Variants in LIG1 observed in about 807,000 individuals in gnomAD.
LIG1 encodes ligase I, DNA, ATP-dependent.
Under a neutral mutation model 115.7 loss-of-function variants are expected in LIG1, and 70 were observed. That is an observed-to-expected ratio of 0.60 (90% CI 0.50 to 0.74). LIG1 has a LOEUF of 0.74. LIG1 is among the 30% of genes least tolerant of loss of function. The probability of loss-of-function intolerance (pLI) is 0.00; values close to 1 mark genes in which losing one functional copy is unlikely to be tolerated. For synonymous variants in LIG1, 487 were observed against 495.3 expected (o/e 0.98, Z 0.22); for missense variants, 1,115 against 1,225.6 (o/e 0.91, Z 1.35).
In LIG1 at chr19:48,117,654, G is replaced by C. The variant is rs1158052862; in HGVS notation, c.2567C>G (p.Pro856Arg). The C allele has an allele frequency of 6.2e-7, 1 of 1,612,734 alleles. No homozygotes were observed. The highest frequency in any genetic ancestry group is 1.3e-5 in the African/African-American group (1 of 74,930). Residue 856 changes from proline (P) to arginine (R), a missense_variant, in exon 26 of 28, where the codon CCT (proline) becomes CGT (arginine). Pro to Arg is a moderately radical substitution (Grantham distance 103, BLOSUM62 -2). Transcript: ENST00000263274. Reference sequence around the variant, plus strand: ...GCCACTCACCAGGCCCCGCGCAGCAGGGTAGATGGGAGAGAGGGAGAGGTC... The same window carrying C: ...GCCACTCACCAGGCCCCGCGCAGCACGGTAGATGGGAGAGAGGGAGAGGTC... ...CADLSLSPIY[P>R]AARGLVDSDK...
intron 9 of LIG1, among the ~76,000 whole-genome samples, chr19:48,149,449 T>G (rs932931342): frequency 4.6e-5 from 7 of 152,104 alleles, no homozygotes; most frequent in African/African-American, 1.7e-4. Context: ...CTCTGGGTGT[T>G]AGAAAGATCC....
intron 6 of LIG1, among the ~76,000 whole-genome samples, chr19:48,153,176 C>T (rs1368573933): frequency 7.9e-6 from 1 of 125,986 alleles, no homozygotes; most frequent in East Asian, 2.3e-4. Flanking sequence ...GCCTGAGCGA[C>T]ACAGTGAGAC....
chr19:48,115,816 A>G, intron 27 of LIG1, 57 bp downstream of exon 27: 1 of 1,580,954 alleles, frequency 6.3e-7, no homozygotes, highest in Non-Finnish European at 8.7e-7. Context: ...CCACCACGCT[A>G]AAAAGCTGGT....
chr19:48,134,119 G>GT (rs2034226946), intron 16 of LIG1, 53 bp from the exon 17 acceptor site: 5 of 1,492,106 alleles, frequency 3.4e-6, no homozygotes, highest in Non-Finnish European at 4.6e-6. Flanking sequence ...AACTCACACA[G>GT]TTTGGAAAGA....
In LIG1 at chr19:48,137,696, G is replaced by A; in HGVS notation, c.1088-8C>T. 1 of 1,601,628 alleles carries A rather than the reference G, an allele frequency of 6.2e-7. No individual in the cohort carries two copies. The highest frequency in any genetic ancestry group is 1.1e-5 in the South Asian group (1 of 91,060). ...CGGACTCCAGCTGCCGACCTTCAGGGGAGAGCGCGGGTGGGGGTGTCGAGG... is the reference window on the plus strand; with the variant it reads ...CGGACTCCAGCTGCCGACCTTCAGGAGAGAGCGCGGGTGGGGGTGTCGAGG... On this transcript the variant is annotated splice_polypyrimidine_tract_variant and splice_region_variant and intron_variant, in intron 12 of 27. Transcript: ENST00000263274. This position sits in a 1 kb window ranked among gnomAD's most constrained non-coding sequence, Gnocchi z 4.3.
At chr19:48,133,924 C>A in intron 17 of LIG1, 57 bp downstream of exon 17, 1 of 1,450,898 alleles carries the variant, frequency 6.9e-7, no homozygotes. Context: ...ACCCTCACGC[C>A]GACTCAGGAG....
rs566160743 is a variant in LIG1 at position 48,154,094 on chromosome 19, A to G, written c.371-127T>C. On this transcript the variant is annotated intron_variant, in intron 5 of 27. Transcript: ENST00000263274. ...CCTCTCCCCTTCTCTGCCTGCACAC[A>G]GTCACTGCCCCAGTGCAGGCCGCAC... The G allele has an allele frequency of 2.9e-5, 23 of 787,016 alleles. No homozygotes were observed. The African/African-American group carries it at 3.4e-4, about 12-fold the overall frequency. The allele number at this position is 787,016 out of a possible 1,614,324, so 48.8% of individuals were successfully genotyped here.
rs2034917917 is a variant in LIG1 at position 48,143,575 on chromosome 19, C to T, written c.882G>A (p.Arg294=). 6.3e-7 allele frequency: 1 copy of T among 1,597,748 alleles called. No individual in the cohort carries two copies. The highest frequency in any genetic ancestry group is 1.1e-5 in the South Asian group (1 of 90,848). Residue 294 remains arginine (R), a synonymous_variant, in exon 11 of 28, where the codon CGG becomes CGA. Transcript: ENST00000263274. ...GQKVPYLAVA[R]TFEKIEEVSA... is the part of the protein sequence containing the mutation. ...ACACCTCCTCGATCTTCTCAAACGTCCGGGCCACAGCCAGGTAAGGAACCC... is the reference window on the plus strand; with the variant it reads ...ACACCTCCTCGATCTTCTCAAACGTTCGGGCCACAGCCAGGTAAGGAACCC...
chr19:48,126,403 C>T (rs1426011297), intron 21 of LIG1, among the ~76,000 whole-genome samples: 1 of 152,000 alleles, frequency 6.6e-6, no homozygotes, highest in East Asian at 1.9e-4. Context: ...GTCAAGAGTT[C>T]GAGACCAGCC....
intron 11 of LIG1, among the ~76,000 whole-genome samples, chr19:48,142,594 G>GA (rs1488153306): frequency 6.6e-6 from 1 of 152,112 alleles, no homozygotes; most frequent in East Asian, 1.9e-4. Flanking sequence ...GACACATGTG[G>GA]AAACGGGTTT....
At chr19:48,163,216 C>A (rs2036286869) in intron 2 of LIG1, among the ~76,000 whole-genome samples, 2 of 119,984 alleles carry the variant, frequency 1.7e-5, no homozygotes, top group South Asian at 5.1e-4. Flanking sequence ...CCGCGCCCAG[C>A]CTAAAAAAAT....
intron 21 of LIG1, chr19:48,123,703 C>T (rs1345279482): frequency 3.8e-5 from 12 of 316,256 alleles, no homozygotes; most frequent in East Asian, 8.3e-5. Context: ...CTGCAGCCTC[C>T]GCCTCCTGAA....
chr19:48,147,515 A>G (rs2035191869), intron 9 of LIG1: 1 of 150,788 alleles, frequency 6.6e-6, no homozygotes, highest in Admixed American at 6.6e-5. Flanking sequence ...TACAAAAAGT[A>G]AACAAAAATT....
chr19:48,151,364 T>C (rs760610063), intron 6 of LIG1, 25 bp from the exon 7 acceptor site: 1 of 1,460,940 alleles, frequency 6.8e-7, no homozygotes. Flanking sequence ...AACGGTCAGA[T>C]GGCAAAAAAA....
At position 48,137,639 on chromosome 19, in the gene LIG1, C is replaced by G. The variant is rs748154065; in HGVS notation, c.1137G>C (p.Val379=). 40 of 1,610,372 alleles carry G rather than the reference C, an allele frequency of 2.5e-5. No individual in the cohort carries two copies. Among genetic ancestry groups the G allele is most frequent in the Non-Finnish European group, 3.4e-5 (40 of 1,179,694 alleles). ...TGCGGCTGTTCTCGGCCACCAGCCC[C>G]ACGTCGCCTTTCTCGGCTGCCTCAG... ...VRAEAAEKGD[V]GLVAENSRST... is the part of the protein sequence containing the mutation. The change falls in exon 13 of 28, where the codon GTG becomes GTC. Residue 379 remains valine, a synonymous_variant. Coordinates refer to ENST00000263274, the MANE Select transcript of LIG1 (RefSeq NM_000234.3). This position sits in a 1 kb window ranked among gnomAD's most constrained non-coding sequence, Gnocchi z 4.3.
chr19:48,150,971 G>C (rs1012600023), intron 7 of LIG1, among the ~76,000 whole-genome samples: 8 of 151,948 alleles, frequency 5.3e-5, no homozygotes, highest in Non-Finnish European at 1.2e-4. Context: ...AAAGAGCTAG[G>C]ATTACAGGTG....
chr19:48,154,026 G>A, intron 5 of LIG1, 59 bp from the exon 6 acceptor site: 1 of 1,402,552 alleles, frequency 7.1e-7, no homozygotes, highest in Non-Finnish European at 1.0e-6. Context: ...TCCCATCCCG[G>A]AGAGCTCACA....
At chr19:48,116,217 G>A (rs2032807898) in intron 26 of LIG1, 3 of 455,304 alleles carry the variant, frequency 6.6e-6, no homozygotes, top group Non-Finnish European at 1.2e-5. Context: ...GCCGAGGCGG[G>A]TGGATCACGA....
At chr19:48,117,998 A>C in intron 25 of LIG1, 12 of 587,076 alleles carry the variant, frequency 2.0e-5, no homozygotes, top group East Asian at 5.9e-5. Context: ...GAAAAGAAAC[A>C]AGACCCCCTT....
Sources: gnomAD v4.1 joint callset for allele counts (sites outside exome capture counted in the v4.1 genomes callset) on GRCh38, gnomAD v4.1.1 for gene constraint, Gnocchi (gnomAD v3.1) non-coding constraint, MANE v1.5 for transcripts, NCBI Gene and HGNC (gene_info 2026-07-23, HGNC 2026-07-21) for gene names.